QTMAN: variants seen among roughly 807,000 people sequenced by gnomAD.
The protein encoded by QTMAN is tRNA-queuosine alpha-mannosyltransferase.
chr2:144,026,343 A>G, the QTMAN span, among the ~76,000 whole-genome samples: 5,813 of 152,126 alleles, frequency 0.038, 156 homozygotes, highest in East Asian at 0.078. Context: ...GCTGAAGCAG[A>G]AGAATCGCTT....
the QTMAN span, among the ~76,000 whole-genome samples, chr2:143,969,092 G>T: frequency 0.042 from 6,447 of 152,228 alleles, 199 homozygotes; most frequent in East Asian, 0.091. Context: ...CATGTAGAAT[G>T]TCCTGTTCTG....
chr2:144,081,875 T>C, the QTMAN span, among the ~76,000 whole-genome samples: 3 of 152,042 alleles, frequency 2.0e-5, no homozygotes, highest in African/African-American at 4.8e-5. Context: ...TAACATACTT[T>C]AGGGGTTATT....
chr2:144,121,975 G>A, the QTMAN span, among the ~76,000 whole-genome samples: 1 of 151,996 alleles, frequency 6.6e-6, no homozygotes, highest in African/African-American at 2.4e-5. Context: ...AGCATTTGAG[G>A]AAAAAATTAT....
the QTMAN span, among the ~76,000 whole-genome samples, chr2:144,262,363 G>A: frequency 6.6e-6 from 1 of 152,048 alleles, no homozygotes; most frequent in African/African-American, 2.4e-5. Context: ...TTCCAAACCA[G>A]CCTGGGCAAC....
At chr2:144,213,258 A>G in the QTMAN span, among the ~76,000 whole-genome samples, 1 of 152,162 alleles carries the variant, frequency 6.6e-6, no homozygotes, top group Non-Finnish European at 1.5e-5. Context: ...TCCCTAAGCC[A>G]TGATCATTTT....
the QTMAN span, among the ~76,000 whole-genome samples, chr2:144,229,786 T>C: frequency 1.3e-5 from 2 of 152,212 alleles, no homozygotes; most frequent in Non-Finnish European, 2.9e-5. Context: ...TAGCCTAAAT[T>C]GTCACGAAGG....
chr2:144,287,264 G>A, the QTMAN span, among the ~76,000 whole-genome samples: 1 of 151,996 alleles, frequency 6.6e-6, no homozygotes, highest in Non-Finnish European at 1.5e-5. Flanking sequence ...GTGAAACCCC[G>A]TCTCTACTAA....
chr2:144,137,911 A>C, the QTMAN span, among the ~76,000 whole-genome samples: 2 of 152,164 alleles, frequency 1.3e-5, no homozygotes, highest in Admixed American at 6.6e-5. Flanking sequence ...CACTTTACTT[A>C]ACCTCGCTGC....
At chr2:144,279,955 G>A in the QTMAN span, among the ~76,000 whole-genome samples, 1 of 152,086 alleles carries the variant, frequency 6.6e-6, no homozygotes, top group Non-Finnish European at 1.5e-5. Flanking sequence ...GGGTGGGGCT[G>A]GGAGAAGGTA....
the QTMAN span, among the ~76,000 whole-genome samples, chr2:144,023,014 C>A: frequency 6.6e-6 from 1 of 151,328 alleles, no homozygotes; most frequent in Admixed American, 6.6e-5. Context: ...TTTCTTATAC[C>A]ATTATTTTAA....
chr2:144,168,623 T>C, the QTMAN span, among the ~76,000 whole-genome samples: 105 of 152,258 alleles, frequency 6.9e-4, no homozygotes, highest in Non-Finnish European at 1.2e-3. Flanking sequence ...ATTTTTACAA[T>C]AAAAATTTAA....
the QTMAN span, among the ~76,000 whole-genome samples, chr2:144,125,408 C>G: frequency 6.6e-6 from 1 of 151,970 alleles, no homozygotes; most frequent in Non-Finnish European, 1.5e-5. Flanking sequence ...TGGATAAATT[C>G]CAACTTAGGT....
At chr2:144,021,233 A>C in the QTMAN span, among the ~76,000 whole-genome samples, 1 of 152,192 alleles carries the variant, frequency 6.6e-6, no homozygotes, top group Non-Finnish European at 1.5e-5. Context: ...TGAGAGAGCA[A>C]GGGAAGTCAC....
chr2:144,211,240 G>GA, the QTMAN span: 1 of 152,276 alleles, frequency 6.6e-6, no homozygotes, highest in Non-Finnish European at 1.5e-5. Flanking sequence ...GTGGGAGGCT[G>GA]AAAAACAGAA....
At chr2:144,125,921 T>C in the QTMAN span, among the ~76,000 whole-genome samples, 1 of 152,092 alleles carries the variant, frequency 6.6e-6, no homozygotes, top group East Asian at 1.9e-4. Flanking sequence ...AAATTCCCAA[T>C]GTCACCCAAG....
the QTMAN span, among the ~76,000 whole-genome samples, chr2:143,947,353 C>CTTTTCTGTT: frequency 6.6e-6 from 1 of 152,072 alleles, no homozygotes; most frequent in Non-Finnish European, 1.5e-5. Context: ...GAGAAGAAGG[C>CTTTTCTGTT]TACTGTTTTC....
the QTMAN span, among the ~76,000 whole-genome samples, chr2:144,190,360 A>T: frequency 1.9e-3 from 296 of 152,174 alleles, 1 homozygote; most frequent in African/African-American, 6.4e-3. Flanking sequence ...ACCAGAAAAT[A>T]AAAAAATATA....
chr2:144,168,223 T>A, the QTMAN span, among the ~76,000 whole-genome samples: 2 of 152,192 alleles, frequency 1.3e-5, no homozygotes, highest in Non-Finnish European at 2.9e-5. Flanking sequence ...TATTTCATCA[T>A]CTAAACTGAT....
At chr2:144,105,089 C>T in the QTMAN span, among the ~76,000 whole-genome samples, 1 of 152,208 alleles carries the variant, frequency 6.6e-6, no homozygotes, top group African/African-American at 2.4e-5. Flanking sequence ...AGGACATCCA[C>T]AGCAAAACAC....
Sources: allele counts gnomAD v4.1 joint callset (sites outside exome capture counted in the v4.1 genomes callset), GRCh38; gene constraint gnomAD v4.1.1; transcripts MANE v1.5; gene names NCBI Gene and HGNC (gene_info 2026-07-23, HGNC 2026-07-21).